The following MIER1 variants were observed in gnomAD, a reference collection of about 807,000 sequenced individuals.
MIER1 encodes mesoderm induction early response protein 1.
Under a neutral mutation model 75.7 loss-of-function variants are expected in MIER1, and 40 were observed. The observed-to-expected ratio is 0.53, with a 90% CI of 0.41 to 0.69. MIER1 has a LOEUF of 0.69. Among genes scored for constraint, MIER1 ranks in the 30% least tolerant of loss-of-function variants. MIER1 has a pLI of 0.00. For missense variants in MIER1, 574 were observed against 680.2 expected (o/e 0.84, Z 1.74); for synonymous variants, 213 against 223.4 (o/e 0.95, Z 0.42).
chr1:66,943,519 CCTTA>C (rs1280688872), intron 3 of MIER1, among the ~76,000 whole-genome samples: 15 of 152,082 alleles, frequency 9.9e-5, no homozygotes, highest in African/African-American at 3.1e-4. Flanking sequence ...CCTTTCCTTT[CCTTA>C]CTATCTTTTC....
intron 11 of MIER1, among the ~76,000 whole-genome samples, chr1:66,975,154 A>G (rs764740841): frequency 1.3e-5 from 2 of 152,200 alleles, no homozygotes; most frequent in African/African-American, 2.4e-5. Context: ...GCTACAGAAT[A>G]TTTACTTCAA....
Position 66,984,730 on chromosome 1 carries a change from C to T in MIER1, c.1528C>T (p.Leu510Phe), listed in dbSNP as rs773691647. The change falls in exon 14 of 14, where the codon CTT becomes TTT. Residue 510 changes from leucine to phenylalanine, a missense_variant. Physicochemically the swap from Leu to Phe is conservative, Grantham distance 22. Transcript: ENST00000401041. ...ETDNLTTDPK[L>F]AHMTARNEND... is the part of the protein sequence containing the mutation. ...AGATAACCTTACCACTGACCCAAAA[C>T]TTGCCCATATGACTGCAAGAAATGA... 1.2e-6 allele frequency: 2 copies of T among 1,613,980 alleles called. No homozygotes were observed. Among genetic ancestry groups the T allele is most frequent in the Admixed American group, 1.7e-5 (1 of 60,014 alleles).
At chr1:66,933,294 C>T (rs759372362) in intron 2 of MIER1, among the ~76,000 whole-genome samples, 20 of 152,082 alleles carry the variant, frequency 1.3e-4, no homozygotes, top group Non-Finnish European at 2.1e-4. Flanking sequence ...CCTTTGGGAA[C>T]GAACAATTTG....
rs1000336801 is a variant in MIER1, at chr1:66,984,718, A to G, written c.1516A>G (p.Thr506Ala). The change falls in exon 14 of 14, where the codon ACT becomes GCT. Residue 506 changes from threonine to alanine, a missense_variant. Coordinates refer to ENST00000401041, the MANE Select transcript of MIER1 (RefSeq NM_001077700.3). ...TNGYETDNLT[T>A]DPKLAHMTAR... ...TGGTTATGAAACAGATAACCTTACC[A>G]CTGACCCAAAACTTGCCCATATGAC... 3 of 1,614,048 alleles carry G rather than the reference A, an allele frequency of 1.9e-6. No homozygotes were observed. Among genetic ancestry groups the G allele is most frequent in the African/African-American group, 1.3e-5 (1 of 75,046 alleles).
intron 1 of MIER1, 25 bp downstream of exon 1, chr1:66,925,120 C>T (rs887937081): frequency 6.5e-7 from 1 of 1,542,886 alleles, no homozygotes; most frequent in African/African-American, 1.4e-5. Flanking sequence ...CACAAGCCAT[C>T]TCTCCCCTTC....
At chr1:66,972,859 G>A in intron 10 of MIER1, 38 bp from the exon 11 acceptor site, 1 of 1,037,938 alleles carries the variant, frequency 9.6e-7, no homozygotes, top group Non-Finnish European at 1.5e-6. Context: ...ATAATTGGGG[G>A]AATATTGCTT....
At chr1:66,976,291 C>T (rs867411837) in intron 11 of MIER1, among the ~76,000 whole-genome samples, 10 of 152,302 alleles carry the variant, frequency 6.6e-5, no homozygotes, top group African/African-American at 1.7e-4. Flanking sequence ...CGTGAGCCAC[C>T]GTGCCCGGCC....
chr1:66,976,021 T>G (rs1391557025), intron 11 of MIER1, among the ~76,000 whole-genome samples: 2 of 152,108 alleles, frequency 1.3e-5, no homozygotes, highest in Non-Finnish European at 2.9e-5. Flanking sequence ...TGAGTCTCAT[T>G]CTGTCACCCA....
At chr1:66,930,364 G>A in intron 2 of MIER1, 2 of 1,607,034 alleles carry the variant, frequency 1.2e-6, no homozygotes, top group Non-Finnish European at 1.7e-6. Context: ...CGGCCGCCGC[G>A]GAGATGTGAC....
chr1:66,950,063 TAGAG>T (rs1467992403), intron 4 of MIER1, among the ~76,000 whole-genome samples: 2 of 152,352 alleles, frequency 1.3e-5, no homozygotes, highest in African/African-American at 2.4e-5. Flanking sequence ...TTAGTGATCT[TAGAG>T]GGAATGTCAG....
chr1:66,944,781 A>T (rs1657099847), intron 3 of MIER1, among the ~76,000 whole-genome samples: 1 of 151,986 alleles, frequency 6.6e-6, no homozygotes, highest in Admixed American at 6.6e-5. Flanking sequence ...GCTGGAATGC[A>T]GTAGTGTGAT....
chr1:66,949,244 A>C (rs984284527), intron 4 of MIER1, among the ~76,000 whole-genome samples: 1 of 152,162 alleles, frequency 6.6e-6, no homozygotes, highest in Non-Finnish European at 1.5e-5. Context: ...AGTAGTTTTC[A>C]TAATGGGTTA....
intron 12 of MIER1, among the ~76,000 whole-genome samples, chr1:66,979,258 T>C (rs1180950359): frequency 2.0e-5 from 3 of 152,238 alleles, no homozygotes; most frequent in Non-Finnish European, 4.4e-5. Context: ...ACCATCTCTT[T>C]CTGTTAATAG....
chr1:66,932,859 T>A (rs1653789819), intron 2 of MIER1: 1 of 152,020 alleles, frequency 6.6e-6, no homozygotes, highest in South Asian at 2.1e-4. Context: ...AAAAAAAAAT[T>A]GATGCTTCCT....
rs184482441 is a variant in MIER1, at chr1:66,963,727, G to A, written c.772+567G>A. Among the ~76,000 whole-genome samples the A allele has an allele frequency of 1.6e-4, 25 of 152,184 alleles. 1 individual carries two copies. In the East Asian group the frequency reaches 4.5e-3, roughly 27 times the overall value. ...GTTCGAGACCAGCCTGACCAACATG[G>A]TGAAACCCCGTCTCTACTAAAAATA... On this transcript the variant is annotated intron_variant, in intron 8 of 13. Coordinates refer to ENST00000401041, the MANE Select transcript of MIER1 (RefSeq NM_001077700.3).
In MIER1 at chr1:66,978,196, C is replaced by CA. The variant is rs536021584; in HGVS notation, c.1229+1490dup. Among the ~76,000 whole-genome samples the CA allele has an allele frequency of 8.6e-3, 786 of 91,300 alleles. 3 individuals are homozygous for CA. Among genetic ancestry groups the CA allele is most frequent in the African/African-American group, 0.022 (576 of 25,850 alleles). The allele number at this position is 91,300 out of a possible 152,430, so 59.9% of individuals were successfully genotyped here. ...GGGCAACAGAGCGAAACTCCATCTC[C>CA]AAAAAAAAAAAAAAAAGATGTGCTT... On this transcript the variant is annotated intron_variant, in intron 12 of 13. Coordinates refer to ENST00000401041, the MANE Select transcript of MIER1 (RefSeq NM_001077700.3).
chr1:66,930,439 G>C (rs778987502), intron 2 of MIER1: 1 of 1,601,968 alleles, frequency 6.2e-7, no homozygotes, highest in Non-Finnish European at 8.5e-7. Context: ...CCGGAGCCGG[G>C]CGCCCCCGGC....
chr1:66,961,192 T>C (rs1661189164), intron 7 of MIER1, among the ~76,000 whole-genome samples: 1 of 152,184 alleles, frequency 6.6e-6, no homozygotes, highest in Non-Finnish European at 1.5e-5. Flanking sequence ...TTTAAATAAT[T>C]GTCAAGGTTC....
rs1019522570 is a variant in MIER1 at position 66,981,674 on chromosome 1, G to C, written c.1230-105G>C. ...GATGAAGCACTGGAATGAATGTTAA[G>C]TGAATATTAGGATATATTTGTTAAG... On this transcript the variant is annotated intron_variant, in intron 12 of 13. Transcript: ENST00000401041. 35 of 817,154 alleles carry C rather than the reference G, an allele frequency of 4.3e-5. No homozygotes were observed. The African/African-American group carries it at 5.7e-4, about 13-fold the overall frequency. 50.6% of individuals were successfully genotyped at this position (817,154 alleles called of 1,614,324 possible). A position where few individuals can be genotyped will look rare whatever the true frequency, so the allele number is the denominator to read the frequency against.
Sources: gnomAD v4.1 joint callset for allele counts (sites outside exome capture counted in the v4.1 genomes callset) on GRCh38, gnomAD v4.1.1 for gene constraint, MANE v1.5 for transcripts, NCBI Gene and HGNC (gene_info 2026-07-23, HGNC 2026-07-21) for gene names.